KMT2C: variants seen among roughly 807,000 people sequenced by gnomAD.
KMT2C encodes the protein lysine methyltransferase 2C.
A neutral mutation model predicts 507.9 loss-of-function variants in KMT2C; 88 were observed. The ratio of observed to expected loss-of-function variants is 0.17; its 90% CI spans 0.15 to 0.21. The LOEUF (loss-of-function observed/expected upper bound fraction) is 0.21, where lower values mean the gene tolerates loss of function less well. KMT2C is among the 10% of genes least tolerant of loss of function. KMT2C has a pLI of 1.00. For synonymous variants in KMT2C, 2,049 were observed against 2,080.8 expected, an observed-to-expected ratio of 0.98 and a Z score of 0.42; for missense variants, 4,954 against 5,957.8, an observed-to-expected ratio of 0.83 and a Z score of 5.55.
At position 152,181,586 on chromosome 7, in the gene KMT2C, C is replaced by A; in HGVS notation, c.6274G>T (p.Asp2092Tyr). The stretch of plus-strand genomic sequence containing the variant: ...GTAAGGGGAGGCTGACTATATGGAT[C>A]ATTTGACTGATTATGAGAAAAATTA... Reference protein sequence around the residue: ...IDNFSHNQSNDPYSQPPLTPH... With the variant: ...IDNFSHNQSNYPYSQPPLTPH... Residue 2092 changes from aspartate (D) to tyrosine (Y), a missense_variant, in exon 36 of 59, where the codon GAT becomes TAT. By Grantham distance (160) the Asp-to-Tyr change is radical. Transcript: ENST00000262189. 6.2e-7 allele frequency: 1 copy of A among 1,614,032 alleles called. No individual in the cohort carries two copies. The highest frequency in any genetic ancestry group is 8.5e-7 in the Non-Finnish European group (1 of 1,180,018).
At chr7:152,178,041 A>AAAAAAGC in intron 37 of KMT2C, 31 bp from the exon 38 acceptor site, 2 of 1,276,142 alleles carry the variant, frequency 1.6e-6, no homozygotes, top group Non-Finnish European at 2.0e-6. Flanking sequence ...AAAAAAAAAA[A>AAAAAAGC]AGCAAATAGG....
chr7:152,192,769 T>G (rs1022604893), intron 31 of KMT2C, among the ~76,000 whole-genome samples: 2 of 152,228 alleles, frequency 1.3e-5, no homozygotes, highest in Non-Finnish European at 2.9e-5. Context: ...TCACACACTT[T>G]GGCACTTACA....
intron 1 of KMT2C, among the ~76,000 whole-genome samples, chr7:152,409,820 C>G (rs972671158): frequency 2.6e-5 from 4 of 152,066 alleles, no homozygotes; most frequent in Admixed American, 2.6e-4. Flanking sequence ...TTTAAATCAT[C>G]ATGGAATTAA....
At chr7:152,252,957 A>AT in intron 9 of KMT2C, among the ~76,000 whole-genome samples, 1 of 151,784 alleles carries the variant, frequency 6.6e-6, no homozygotes, top group Non-Finnish European at 1.5e-5. Context: ...GGTTCAAGTG[A>AT]TTCTCTCCTG....
rs368138250 is a variant in KMT2C at position 152,374,357 on chromosome 7, A to G, written c.162-15682T>C. ...AATAATAATAATTAATAAAAATTGA[A>G]AAGAAATTTTAAAAATAATAATTTT... On this transcript the variant is annotated intron_variant, in intron 1 of 58. Coordinates refer to ENST00000262189, the MANE Select transcript of KMT2C (RefSeq NM_170606.3). Among the ~76,000 whole-genome samples the G allele has an allele frequency of 2.5e-4, 38 of 151,834 alleles. No homozygotes were observed. In the East Asian group the frequency reaches 4.6e-3, roughly 18 times the overall value.
intron 9 of KMT2C, among the ~76,000 whole-genome samples, chr7:152,258,425 G>A (rs2095698567): frequency 6.6e-6 from 1 of 152,146 alleles, no homozygotes; most frequent in Admixed American, 6.5e-5. Flanking sequence ...AATGCGGTGG[G>A]AGTGCTAGAG....
At chr7:152,252,785 C>G (rs2095581718) in intron 9 of KMT2C, 70 bp from the exon 10 acceptor site, 1 of 1,116,658 alleles carries the variant, frequency 9.0e-7, no homozygotes, top group African/African-American at 1.6e-5. Context: ...TGATGTAAAC[C>G]TTTAAAAAGT....
In KMT2C at chr7:152,222,622, G is replaced by A. The variant is rs144068847; in HGVS notation, c.3384C>T (p.Asp1128=). 2,251 of 1,610,204 alleles carry A rather than the reference G, an allele frequency of 1.4e-3. 3 individuals are homozygous for A. Among genetic ancestry groups the A allele is most frequent in the Admixed American group, 1.9e-3 (111 of 59,996 alleles). Residue 1128 remains aspartate (D), a synonymous_variant, in exon 21 of 59, where the codon GAC becomes GAT. Coordinates refer to ENST00000262189, the MANE Select transcript of KMT2C (RefSeq NM_170606.3). The stretch of plus-strand genomic sequence containing the variant: ...TGCACATGCTACAATCAAAACCAAT[G>A]TCTGCTACATTTTCCACTTCTTCCT... The part of the protein sequence containing the change: ...NTEEEVENVA[D]IGFDCSMCRP...
chr7:152,163,945 C>T (rs2092592869), intron 42 of KMT2C, 119 bp from the exon 43 acceptor site: 1 of 902,810 alleles, frequency 1.1e-6, no homozygotes, highest in Non-Finnish European at 1.7e-6. Context: ...CAGAAGCAAA[C>T]ATATTTTGCT....
At chr7:152,397,185 G>A (rs1312788826) in intron 1 of KMT2C, among the ~76,000 whole-genome samples, 1 of 151,020 alleles carries the variant, frequency 6.6e-6, no homozygotes, top group Non-Finnish European at 1.5e-5. Flanking sequence ...AGATCTTACC[G>A]CTGTAACTTT....
At chr7:152,218,292 T>C (rs1347654355) in intron 23 of KMT2C, among the ~76,000 whole-genome samples, 1 of 152,084 alleles carries the variant, frequency 6.6e-6, no homozygotes, top group Non-Finnish European at 1.5e-5. Flanking sequence ...GCCTCCCGAG[T>C]AGCTGGGATT....
intron 42 of KMT2C, among the ~76,000 whole-genome samples, chr7:152,165,990 G>A (rs576808339): frequency 3.3e-5 from 5 of 152,040 alleles, no homozygotes; most frequent in African/African-American, 4.8e-5. Flanking sequence ...GCCTGGCCAC[G>A]TGTACACAGT....
chr7:152,196,273 G>A (rs1051259422), intron 27 of KMT2C, among the ~76,000 whole-genome samples: 4 of 152,248 alleles, frequency 2.6e-5, no homozygotes, highest in Non-Finnish European at 5.9e-5. Context: ...CAATAAAAGT[G>A]AAACAGAATA....
rs1160527130 is a variant in KMT2C at position 152,385,611 on chromosome 7, C to CAAAAAAAAAAAAAAAA, written c.162-26952_162-26937dup. Among the ~76,000 whole-genome samples, 5 of 19,440 alleles carry CAAAAAAAAAAAAAAAA rather than the reference C, an allele frequency of 2.6e-4. 1 individual carries two copies. Among genetic ancestry groups the CAAAAAAAAAAAAAAAA allele is most frequent in the Middle Eastern group, 0.045 (1 of 22 alleles). 12.8% of individuals were successfully genotyped at this position (19,440 alleles called of 152,430 possible). A position where few individuals can be genotyped will look rare whatever the true frequency, so the allele number is the denominator to read the frequency against. ...TGGGCGACAGAGCGAGACTCCGTCT[C>CAAAAAAAAAAAAAAAA]AAAAAAAAAAAAAAAAAAAAAAAAA... On this transcript the variant is annotated intron_variant, in intron 1 of 58. Coordinates refer to ENST00000262189, the MANE Select transcript of KMT2C (RefSeq NM_170606.3).
In KMT2C at chr7:152,176,502, G is replaced by A. The variant is rs199562097; in HGVS notation, c.8951C>T (p.Ser2984Phe). Residue 2984 changes from serine to phenylalanine, a missense_variant, in exon 38 of 59, where the codon TCT (serine) becomes TTT (phenylalanine). This residue lies in a region of KMT2C where 1,689 missense variants were observed against 1,654.3 expected (regional missense o/e 1.02). Coordinates refer to ENST00000262189, the MANE Select transcript of KMT2C (RefSeq NM_170606.3). ...TVVSRVNHVF[S>F]QGVQVNPGLI... ...CCCTGGGTTTACCTGCACACCCTGA[G>A]AAAAAACATGGTTTACCCTAGAGAC... The A allele has an allele frequency of 1.9e-6, 3 of 1,614,054 alleles. No individual in the cohort carries two copies. Among genetic ancestry groups the A allele is most frequent in the East Asian group, 4.5e-5 (2 of 44,876 alleles).
rs2129092873 is a variant in KMT2C, at chr7:152,144,875, G to A, written c.14181C>T (p.His4727=). ...AHVKRFVLRP[H]TLNSTSTSKS... is the part of the protein sequence containing the mutation. Reference sequence around the variant, plus strand: ...TTGAGGTGCTGGTGCTGTTTAAGGTGTGAGGCCTGCAGACAATGGCATATC... The same window carrying A: ...TTGAGGTGCTGGTGCTGTTTAAGGTATGAGGCCTGCAGACAATGGCATATC... Residue 4727 remains histidine (H), a synonymous_variant, in exon 55 of 59, where the codon CAC becomes CAT. Coordinates refer to ENST00000262189, the MANE Select transcript of KMT2C (RefSeq NM_170606.3). This position sits in a 1 kb window ranked among gnomAD's most constrained non-coding sequence, Gnocchi z 4.4. 1 of 1,611,364 alleles carries A rather than the reference G, an allele frequency of 6.2e-7. No individual in the cohort carries two copies. The highest frequency in any genetic ancestry group is 8.5e-7 in the Non-Finnish European group (1 of 1,177,966).
At chr7:152,260,060 TC>T (rs2095742319) in intron 9 of KMT2C, among the ~76,000 whole-genome samples, 1 of 152,272 alleles carries the variant, frequency 6.6e-6, no homozygotes, top group Admixed American at 6.5e-5. Flanking sequence ...AAATCCAACA[TC>T]CCTGTGAGGT....
chr7:152,230,678 T>C (rs1193712252), intron 16 of KMT2C, among the ~76,000 whole-genome samples: 2 of 152,232 alleles, frequency 1.3e-5, no homozygotes, highest in African/African-American at 2.4e-5. Context: ...ACTTGGGATC[T>C]GCAATGTAGC....
intron 6 of KMT2C, among the ~76,000 whole-genome samples, chr7:152,275,435 T>C (rs1297144486): frequency 2.0e-5 from 3 of 152,218 alleles, no homozygotes; most frequent in African/African-American, 4.8e-5. Context: ...TCCCAGCTAC[T>C]TGGGAGGCTG....
Sources: gnomAD v4.1 joint callset for allele counts (sites outside exome capture counted in the v4.1 genomes callset) on GRCh38, gnomAD v4.1.1 for gene constraint, gnomAD v4.1.1 regional missense constraint, Gnocchi (gnomAD v3.1) non-coding constraint, MANE v1.5 for transcripts, NCBI Gene and HGNC (gene_info 2026-07-23, HGNC 2026-07-21) for gene names.